The following HPD variants were observed in gnomAD, a reference collection of about 807,000 sequenced individuals.
HPD encodes 4-hydroxyphenylpyruvate dioxygenase, also known as 4-hydroxyphenylpyruvic acid oxidase.
HPD carries 35 observed loss-of-function variants against 56.9 expected under a neutral mutation model. The observed-to-expected ratio is 0.62, with a 90% confidence interval of 0.47 to 0.82. The LOEUF (loss-of-function observed/expected upper bound fraction) is 0.82, where lower values mean the gene tolerates loss of function less well. Among genes scored for constraint, HPD ranks in the 40% least tolerant of loss-of-function variants. The pLI is 0.00. For missense variants in HPD, 442 were observed against 506.8 expected (o/e 0.87, Z 1.23); for synonymous variants, 186 against 200.2 (o/e 0.93, Z 0.60).
At chr12:121,865,462 G>A (rs1878301626), upstream of HPD, among the ~76,000 whole-genome samples, 1 of 150,112 alleles carries the variant, frequency 6.7e-6, no homozygotes, top group African/African-American at 2.4e-5. Context: ...TAGAGATGGG[G>A]TTTCGTCATG....
chr12:121,869,566 CT>C, the HPD span, among the ~76,000 whole-genome samples: 21 of 145,820 alleles, frequency 1.4e-4, no homozygotes, highest in Admixed American at 2.1e-4. Context: ...TAGGTTTTCA[CT>C]TTTTTTTTTT....
Position 121,849,068 on chromosome 12 carries a change from C to A in HPD, c.527G>T (p.Cys176Phe). ...MDPLLPKLPK[C>F]SLEMIDHIVG... The stretch of plus-strand genomic sequence containing the variant: ...AATGTGGTCGATCATCTCCAGACTG[C>A]ATTTGGGCCTGGGAAGGGAAGAAGA... Residue 176 changes from cysteine (C) to phenylalanine (F), a missense_variant, in exon 9 of 14, where the codon TGC (cysteine) becomes TTC (phenylalanine). By Grantham distance (205) the Cys-to-Phe change is radical. Transcript: ENST00000289004. 2 of 1,613,596 alleles carry A rather than the reference C, an allele frequency of 1.2e-6. No individual in the cohort carries two copies. The highest frequency in any genetic ancestry group is 1.7e-6 in the Non-Finnish European group (2 of 1,179,588).
rs1185112224 is a variant in HPD at position 121,858,730 on chromosome 12, G to C, written c.4-17C>G. The C allele has an allele frequency of 6.2e-7, 1 of 1,614,006 alleles. No homozygotes were observed. The highest frequency in any genetic ancestry group is 1.3e-5 in the African/African-American group (1 of 74,928). On this transcript the variant is annotated splice_polypyrimidine_tract_variant and intron_variant, in intron 1 of 13. Transcript: ENST00000289004. ...GTAAGTCGTCTAAGGAGAAAAAGAA[G>C]GACAGTGAGACTTGGAGGTTCCAAC...
rs747995528 is a variant in HPD, at chr12:121,839,760, T to C, written c.1150A>G (p.Met384Val). 14 of 1,613,842 alleles carry C rather than the reference T, an allele frequency of 8.7e-6. No homozygotes were observed. The highest frequency in any genetic ancestry group is 7.7e-5 in the South Asian group (7 of 91,084). ...EQNLRGNLTN[M>V]ETNGVVPGM The stretch of plus-strand genomic sequence containing the variant: ...CCGGGCACCACCCCATTGGTCTCCA[T>C]GTTGGTGAGGTTACCCCGCAGGTTC... The change falls in exon 14 of 14, where the codon ATG becomes GTG. Residue 384 changes from methionine (M) to valine (V), a missense_variant. Met to Val is a conservative substitution (Grantham distance 21). Transcript: ENST00000289004.
At chr12:121,869,566 C>CTT in the HPD span, among the ~76,000 whole-genome samples, 121,583 of 145,802 alleles carry the variant, frequency 0.83, 50,680 homozygotes, top group Middle Eastern at 0.9. Context: ...TAGGTTTTCA[C>CTT]TTTTTTTTTT....
At chr12:121,877,228 T>C in the HPD span, among the ~76,000 whole-genome samples, 4 of 152,042 alleles carry the variant, frequency 2.6e-5, no homozygotes, top group African/African-American at 9.7e-5. Context: ...CATTGTACAG[T>C]TGAAGAAACT....
chr12:121,857,053 GT>G (rs1050611291), intron 4 of HPD: 7 of 508,838 alleles, frequency 1.4e-5, no homozygotes, highest in African/African-American at 1.2e-4. Flanking sequence ...ATATGTTTTT[GT>G]TGTTGTTGTT....
intron 9 of HPD, among the ~76,000 whole-genome samples, chr12:121,848,494 T>C (rs1484625977): frequency 6.6e-6 from 1 of 152,010 alleles, no homozygotes; most frequent in East Asian, 1.9e-4. Flanking sequence ...GTATTTTTAG[T>C]AGAGACCGGG....
intron 4 of HPD, 78 bp from the exon 5 acceptor site, chr12:121,856,703 C>T (rs376674407): frequency 4.2e-5 from 55 of 1,318,848 alleles, no homozygotes; most frequent in South Asian, 6.0e-5. Context: ...CCCTCCCTGC[C>T]GACCCGAAAC....
Position 121,857,383 on chromosome 12 carries a change from CT to C in HPD, c.142del (p.Arg48GlyfsTer14). 1 of 1,614,154 alleles carries C rather than the reference CT, an allele frequency of 6.2e-7. No individual in the cohort carries two copies. Among genetic ancestry groups the C allele is most frequent in the Non-Finnish European group, 8.5e-7 (1 of 1,180,012 alleles). On this transcript the variant is annotated frameshift_variant, in exon 4 of 14. Transcript: ENST00000289004. LOFTEE classifies it high-confidence loss of function. ...SKMGFEPLAY[R>X]GLETGSREVV... ...CTCCCGGGAACCGGTCTCCAGGCCC[CT>C]GTAGGCTAGAGGTTCAAAGCCCATC...
At chr12:121,884,394 C>T in the HPD span, among the ~76,000 whole-genome samples, 1 of 152,102 alleles carries the variant, frequency 6.6e-6, no homozygotes, top group South Asian at 2.1e-4. Context: ...AACCCCTGAC[C>T]TTATGTGATC....
chr12:121,843,753 TTCAGCTTCTCCC>T lies in HPD; in HGVS notation c.899_910del (p.Arg300_Lys304delinsGln). The T allele has an allele frequency of 6.2e-7, 1 of 1,614,192 alleles. No individual in the cohort carries two copies. The highest frequency in any genetic ancestry group is 8.5e-7 in the Non-Finnish European group (1 of 1,180,030). ...CTCCTTCACCTTGATCTTGGCCGTC[TTCAGCTTCTCCC>T]GCAGTTGTTTGTAGTACGTGGAGGG... On this transcript the variant is annotated inframe_deletion, in exon 12 of 14. Coordinates refer to ENST00000289004, the MANE Select transcript of HPD (RefSeq NM_002150.3).
chr12:121,844,621 C>A (rs892595476), intron 11 of HPD, among the ~76,000 whole-genome samples: 1 of 151,710 alleles, frequency 6.6e-6, no homozygotes, highest in Non-Finnish European at 1.5e-5. Context: ...AGGTGGCTCA[C>A]GCCTGTAATC....
chr12:121,856,307 C>T lies in HPD; in HGVS notation c.324+17G>A, dbSNP rs1451577597. 18 of 1,607,854 alleles carry T rather than the reference C, an allele frequency of 1.1e-5. No homozygotes were observed. The Admixed American group carries it at 2.2e-4, about 19-fold the overall frequency. ...ACGGAGGCCTTCCTCTCTCAGTCCA[C>T]CCAGGTGCTTTCTTACCTGCACGAT... is the stretch of plus-strand genomic sequence containing the variant. On this transcript the variant is annotated intron_variant, in intron 6 of 13. Coordinates refer to ENST00000289004, the MANE Select transcript of HPD (RefSeq NM_002150.3).
chr12:121,847,257 AG>A, intron 9 of HPD, 43 bp from the exon 10 acceptor site: 1 of 1,601,220 alleles, frequency 6.2e-7, no homozygotes, highest in Non-Finnish European at 8.6e-7. Context: ...GAGCGCCTCC[AG>A]GGACGGCCTC....
upstream of HPD, among the ~76,000 whole-genome samples, chr12:121,862,943 G>A (rs1315532344): frequency 2.0e-5 from 3 of 150,986 alleles, no homozygotes; most frequent in East Asian, 5.8e-4. Context: ...GCCTCCCAAA[G>A]TGCCGGGATT....
At chr12:121,852,631 T>C (rs1299229857) in intron 7 of HPD, among the ~76,000 whole-genome samples, 1 of 37,776 alleles carries the variant, frequency 2.6e-5, no homozygotes, top group East Asian at 3.3e-3. Context: ...CCTTTTTTTT[T>C]TTTTTTTTTT....
Position 121,846,872 on chromosome 12 carries a change from A to T in HPD, c.821T>A (p.Ile274Asn), listed in dbSNP as rs1339199829. ...VQHIALKTEDIITAIRHLRER... is the reference protein window; with the variant it reads ...VQHIALKTEDNITAIRHLRER... ...GAAGGGGGTTCTAACCGCTGTGATG[A>T]TGTCTTCGGTCTTGAGAGCGATGTG... The change falls in exon 11 of 14, where the codon ATC becomes AAC. Residue 274 changes from isoleucine (I) to asparagine (N), a missense_variant. Ile to Asn is a moderately radical substitution (Grantham distance 149). Coordinates refer to ENST00000289004, the MANE Select transcript of HPD (RefSeq NM_002150.3). 6.2e-7 allele frequency: 1 copy of T among 1,614,058 alleles called. No individual in the cohort carries two copies. The highest frequency in any genetic ancestry group is 1.3e-5 in the African/African-American group (1 of 75,042).
At chr12:121,886,675 C>T in the HPD span, among the ~76,000 whole-genome samples, 72 of 152,106 alleles carry the variant, frequency 4.7e-4, no homozygotes, top group African/African-American at 1.6e-3. Context: ...GCATTTATCT[C>T]GTTCCAATAA....
Sources: allele counts gnomAD v4.1 joint callset (sites outside exome capture counted in the v4.1 genomes callset), GRCh38; gene constraint gnomAD v4.1.1; transcripts MANE v1.5; gene names NCBI Gene and HGNC (gene_info 2026-07-23, HGNC 2026-07-21).